Variants in CSMD1 observed in about 807,000 individuals in gnomAD.
CSMD1 encodes the protein CUB and Sushi multiple domains 1.
A neutral mutation model predicts 417.5 loss-of-function variants in CSMD1; 213 were observed. The observed-to-expected ratio is 0.51, with a 90% CI of 0.46 to 0.57. The LOEUF (loss-of-function observed/expected upper bound fraction) is 0.57. Among genes scored for constraint, CSMD1 ranks in the 20% least tolerant of loss-of-function variants. The pLI is 0.00. For synonymous variants in CSMD1, 2,862 were observed against 1,736.8 expected (o/e 1.65, Z -16.11); for missense variants, 6,923 against 4,529.7 (o/e 1.53, Z -15.17).
intron 50 of CSMD1, 122 bp from the exon 51 acceptor site, chr8:3,029,635 T>TGGCACATGTA (rs1810206363): frequency 9.8e-5 from 72 of 737,940 alleles, no homozygotes; most frequent in Middle Eastern, 3.5e-4. Context: ...GTTGATGCCA[T>TGGCACATGTA]TACGTATTAT....
chr8:4,870,289 A>G (rs776031724), intron 1 of CSMD1, among the ~76,000 whole-genome samples: 1 of 152,128 alleles, frequency 6.6e-6, no homozygotes, highest in Non-Finnish European at 1.5e-5. Context: ...TATATGGGTA[A>G]AAATTGGAAC....
At chr8:4,422,983 CATGAGAAAAGTTCTCAGTAACAT>C (rs1563157523) in intron 2 of CSMD1, among the ~76,000 whole-genome samples, 1 of 146,216 alleles carries the variant, frequency 6.8e-6, no homozygotes, top group Non-Finnish European at 1.5e-5. Flanking sequence ...AATCATTGAA[CATGAGAAAAGTTCTCAGTAACAT>C]ATGATTGGAA....
chr8:3,426,957 G>A (rs772106777), intron 12 of CSMD1, among the ~76,000 whole-genome samples: 1 of 152,162 alleles, frequency 6.6e-6, no homozygotes, highest in African/African-American at 2.4e-5. Flanking sequence ...GAAGGTAAAG[G>A]GGAAGCAAAG....
chr8:3,478,255 C>T (rs1047620999), intron 11 of CSMD1, among the ~76,000 whole-genome samples: 5 of 152,312 alleles, frequency 3.3e-5, no homozygotes, highest in South Asian at 2.1e-4. Context: ...AAATTGTTCA[C>T]GTGCGGAACT....
At chr8:4,148,048 T>C (rs1027152105) in intron 3 of CSMD1, among the ~76,000 whole-genome samples, 1 of 151,900 alleles carries the variant, frequency 6.6e-6, no homozygotes, top group African/African-American at 2.4e-5. Context: ...ACCTTTACGG[T>C]AAAGAAATAT....
At chr8:3,128,795 G>A (rs985791453) in intron 41 of CSMD1, 2 of 429,714 alleles carry the variant, frequency 4.7e-6, no homozygotes, top group African/African-American at 2.1e-5. Flanking sequence ...ATGTTGTTTC[G>A]AGTTTTTGTT....
chr8:4,614,655 GCA>G (rs1801375404), intron 2 of CSMD1, among the ~76,000 whole-genome samples: 1 of 151,772 alleles, frequency 6.6e-6, no homozygotes, highest in Non-Finnish European at 1.5e-5. Flanking sequence ...ACAAACGTGC[GCA>G]CACACACAAA....
intron 2 of CSMD1, among the ~76,000 whole-genome samples, chr8:4,606,487 T>G (rs1303482211): frequency 6.6e-6 from 1 of 152,174 alleles, no homozygotes; most frequent in Non-Finnish European, 1.5e-5. Context: ...CCAAGCCCTT[T>G]ACCACTCTTG....
intron 3 of CSMD1, among the ~76,000 whole-genome samples, chr8:4,366,429 C>A (rs1377238994): frequency 6.6e-6 from 1 of 152,142 alleles, no homozygotes; most frequent in Non-Finnish European, 1.5e-5. Flanking sequence ...GATTTATTTC[C>A]TTTTGGGTAA....
intron 7 of CSMD1, among the ~76,000 whole-genome samples, chr8:3,682,782 G>C (rs1585069252): frequency 1.3e-5 from 2 of 152,126 alleles, no homozygotes; most frequent in African/African-American, 2.4e-5. Flanking sequence ...GCAAAGACTT[G>C]GATCCAACCT....
At chr8:4,203,935 T>C (rs1479835698) in intron 3 of CSMD1, among the ~76,000 whole-genome samples, 1 of 151,948 alleles carries the variant, frequency 6.6e-6, no homozygotes. Context: ...ACCTCATCTC[T>C]ACAAAAAATA....
chr8:4,253,212 C>G (rs907209514), intron 3 of CSMD1, among the ~76,000 whole-genome samples: 2 of 152,136 alleles, frequency 1.3e-5, no homozygotes, highest in African/African-American at 2.4e-5. Flanking sequence ...CGCCCCATTC[C>G]TAGTTATCAT....
chr8:3,074,869 A>G (rs1308887068), intron 49 of CSMD1, among the ~76,000 whole-genome samples: 1 of 152,110 alleles, frequency 6.6e-6, no homozygotes, highest in Non-Finnish European at 1.5e-5. Flanking sequence ...ATGTTTACTG[A>G]TGTGGTTTGT....
chr8:3,562,849 T>C (rs2116871259), intron 10 of CSMD1, among the ~76,000 whole-genome samples: 1 of 152,046 alleles, frequency 6.6e-6, no homozygotes, highest in South Asian at 2.1e-4. Flanking sequence ...GATGAAATAA[T>C]CTGTACAACA....
intron 25 of CSMD1, among the ~76,000 whole-genome samples, chr8:3,307,251 C>CGTGACTAGCCTGCTGCAGGAACA (rs1554508981): frequency 5.9e-5 from 9 of 152,196 alleles, no homozygotes; most frequent in Non-Finnish European, 1.3e-4. Flanking sequence ...ACCCTCCCAC[C>CGTGACTAGCCTGCTGCAGGAACA]GTGACTAGCC....
intron 2 of CSMD1, among the ~76,000 whole-genome samples, chr8:4,632,064 C>G (rs1802550143): frequency 6.6e-6 from 1 of 152,120 alleles, no homozygotes; most frequent in Admixed American, 6.6e-5. Context: ...GTAAATAAAA[C>G]TTCAAATTTA....
chr8:3,909,040 TGAAATGCGG>T, intron 5 of CSMD1, among the ~76,000 whole-genome samples: 1 of 152,236 alleles, frequency 6.6e-6, no homozygotes, highest in East Asian at 1.9e-4. Flanking sequence ...ACATTGTGGG[TGAAATGCGG>T]GGAGCAGCTG....
chr8:3,919,412 C>T (rs1304752615), intron 5 of CSMD1, among the ~76,000 whole-genome samples: 1 of 151,944 alleles, frequency 6.6e-6, no homozygotes, highest in African/African-American at 2.4e-5. Context: ...CCCATTGTGT[C>T]TTTTTGGCAT....
intron 3 of CSMD1, among the ~76,000 whole-genome samples, chr8:4,071,313 G>T (rs922629039): frequency 7.2e-5 from 11 of 151,966 alleles, no homozygotes; most frequent in African/African-American, 2.7e-4. Flanking sequence ...CTACTGATTA[G>T]ATAATTTCCA....
Sources: gnomAD v4.1 joint callset for allele counts (sites outside exome capture counted in the v4.1 genomes callset) on GRCh38, gnomAD v4.1.1 for gene constraint, MANE v1.5 for transcripts, NCBI Gene and HGNC (gene_info 2026-07-23, HGNC 2026-07-21) for gene names.